Variants in PKHD1 observed in about 807,000 individuals in gnomAD.
PKHD1 encodes the protein PKHD1 ciliary IPT domain containing fibrocystin/polyductin, also known as fibrocystin.
Under a neutral mutation model 412.0 loss-of-function variants are expected in PKHD1, and 291 were observed. That is an observed-to-expected ratio of 0.71 (90% CI 0.64 to 0.78). The LOEUF (loss-of-function observed/expected upper bound fraction) is 0.78. Among genes scored for constraint, PKHD1 ranks in the 30% least tolerant of loss-of-function variants. PKHD1 has a pLI of 0.00. For synonymous variants in PKHD1, 1,777 were observed against 1,821.5 expected (o/e 0.98, Z 0.62); for missense variants, 4,825 against 4,950.7 (o/e 0.97, Z 0.76).
Position 52,070,463 on chromosome 6 carries a change from A to C in PKHD1, c.668-18T>G. ...CTGGGAGCCTGTAACACAAAGAAAC[A>C]CACATTAACTCAGGAATCTGCACGA... On this transcript the variant is annotated intron_variant, in intron 9 of 66. Transcript: ENST00000371117. 6.2e-7 allele frequency: 1 copy of C among 1,601,152 alleles called. No individual in the cohort carries two copies. Among genetic ancestry groups the C allele is most frequent in the Non-Finnish European group, 8.6e-7 (1 of 1,168,700 alleles).
Position 51,617,293 on chromosome 6 carries a change from G to A in PKHD1, c.*1788C>T, listed in dbSNP as rs1472511776. 4 of 151,890 alleles carry A rather than the reference G, an allele frequency of 2.6e-5. No homozygotes were observed. Among genetic ancestry groups the A allele is most frequent in the Non-Finnish European group, 5.9e-5 (4 of 67,964 alleles). The allele number at this position is 151,890 out of a possible 1,614,324, so 9.4% of individuals were successfully genotyped here. A position where few individuals can be genotyped will look rare whatever the true frequency, so the allele number is the denominator to read the frequency against. On this transcript the variant is annotated 3_prime_UTR_variant, in exon 67 of 67. Coordinates refer to ENST00000371117, the MANE Select transcript of PKHD1 (RefSeq NM_138694.4). Reference sequence around the variant, plus strand: ...TGCAAAGGCAAATGACTTCAAGACCGAGAATCTACAAAAAAAGATAAATAA... The same window carrying A: ...TGCAAAGGCAAATGACTTCAAGACCAAGAATCTACAAAAAAAGATAAATAA...
In PKHD1 at chr6:51,748,465, T is replaced by G. The variant is rs750812060; in HGVS notation, c.9151A>C (p.Ile3051Leu). The G allele has an allele frequency of 1.9e-6, 3 of 1,613,874 alleles. No homozygotes were observed. The highest frequency in any genetic ancestry group is 2.5e-6 in the Non-Finnish European group (3 of 1,179,928). Residue 3051 changes from isoleucine to leucine, a missense_variant, in exon 58 of 67, where the codon ATA (isoleucine) becomes CTA (leucine). Coordinates refer to ENST00000371117, the MANE Select transcript of PKHD1 (RefSeq NM_138694.4). ...NIVFGTAGHG[I>L]DLEGQAYTVT... ...GTATAGGCCTGACCCTCTAAATCTA[T>G]GCCATGGCCAGCTGTGCCAAACACA... is the stretch of plus-strand genomic sequence containing the variant.
At chr6:51,741,247 G>A in intron 60 of PKHD1, 1 of 515,642 alleles carries the variant, frequency 1.9e-6, no homozygotes, top group South Asian at 1.4e-5. Context: ...ACATTTTAGA[G>A]TTTCTATTTG....
intron 60 of PKHD1, among the ~76,000 whole-genome samples, chr6:51,673,692 G>A (rs769582344): frequency 2.2e-4 from 34 of 152,150 alleles, no homozygotes; most frequent in Admixed American, 1.0e-3. Flanking sequence ...CAGCCAGATG[G>A]TGTCAGCCTC....
At chr6:51,897,329 A>G (rs1233028568) in intron 43 of PKHD1, among the ~76,000 whole-genome samples, 1 of 152,134 alleles carries the variant, frequency 6.6e-6, no homozygotes, top group Non-Finnish European at 1.5e-5. Flanking sequence ...CAGAAACCCT[A>G]CAAGCCAGAA....
intron 60 of PKHD1, among the ~76,000 whole-genome samples, chr6:51,730,179 GT>G (rs1197395052): frequency 6.6e-6 from 1 of 151,970 alleles, no homozygotes; most frequent in Non-Finnish European, 1.5e-5. Flanking sequence ...TTTATTTCTA[GT>G]TTTTTAGTTT....
At chr6:51,977,125 TC>T (rs1203541547) in intron 35 of PKHD1, among the ~76,000 whole-genome samples, 1 of 152,148 alleles carries the variant, frequency 6.6e-6, no homozygotes, top group Non-Finnish European at 1.5e-5. Context: ...ACATCTAACA[TC>T]CTCATTTTTC....
chr6:51,946,745 C>G (rs1789510169), intron 36 of PKHD1, among the ~76,000 whole-genome samples: 1 of 152,198 alleles, frequency 6.6e-6, no homozygotes, highest in African/African-American at 2.4e-5. Context: ...TTACTTCCCT[C>G]TAAAATAAAT....
intron 37 of PKHD1, among the ~76,000 whole-genome samples, chr6:51,920,750 C>T (rs1414322275): frequency 6.6e-6 from 1 of 152,102 alleles, no homozygotes. Context: ...TCCGTCTGGT[C>T]CTGGACTTTT....
chr6:51,694,114 A>C (rs571730422), intron 60 of PKHD1, among the ~76,000 whole-genome samples: 1 of 152,174 alleles, frequency 6.6e-6, no homozygotes, highest in Non-Finnish European at 1.5e-5. Context: ...GCTTCATCTT[A>C]ATAATTAATA....
intron 60 of PKHD1, among the ~76,000 whole-genome samples, chr6:51,680,339 T>C (rs1049204931): frequency 2.6e-5 from 4 of 152,118 alleles, no homozygotes; most frequent in Admixed American, 2.0e-4. Flanking sequence ...AATAAAAATA[T>C]CACCTGGACC....
chr6:52,077,834 C>T (rs1186211621), intron 5 of PKHD1, among the ~76,000 whole-genome samples: 2 of 152,174 alleles, frequency 1.3e-5, no homozygotes, highest in African/African-American at 4.8e-5. Context: ...AAGATTAATA[C>T]AGTTACACAC....
intron 35 of PKHD1, among the ~76,000 whole-genome samples, chr6:52,004,737 G>A (rs1798844928): frequency 1.3e-5 from 2 of 152,128 alleles, no homozygotes; most frequent in Admixed American, 6.5e-5. Flanking sequence ...CTAAAGTGTG[G>A]CCTTTCTGAG....
chr6:52,014,016 C>A (rs929289452), intron 34 of PKHD1, among the ~76,000 whole-genome samples: 1 of 152,210 alleles, frequency 6.6e-6, no homozygotes, highest in East Asian at 1.9e-4. Context: ...AGTCTCAACA[C>A]TGCCATGGCT....
At chr6:51,871,333 C>G (rs1166786904) in intron 46 of PKHD1, among the ~76,000 whole-genome samples, 2 of 54,896 alleles carry the variant, frequency 3.6e-5, no homozygotes, top group African/African-American at 9.5e-5. Flanking sequence ...TAATGGAATA[C>G]TATTCGTCGA....
At chr6:51,982,185 TGG>T (rs530587240) in intron 35 of PKHD1, among the ~76,000 whole-genome samples, 1 of 19,664 alleles carries the variant, frequency 5.1e-5, no homozygotes. Context: ...GGGAGGGAGG[TGG>T]GGGGGTCAGC....
At chr6:52,037,164 GT>G (rs1314820552) in intron 27 of PKHD1, among the ~76,000 whole-genome samples, 2 of 151,738 alleles carry the variant, frequency 1.3e-5, no homozygotes, top group Non-Finnish European at 2.9e-5. Flanking sequence ...AATAAAATAA[GT>G]AAATATCACT....
At chr6:51,828,742 T>C (rs1462967020) in intron 52 of PKHD1, among the ~76,000 whole-genome samples, 2 of 151,704 alleles carry the variant, frequency 1.3e-5, no homozygotes, top group Non-Finnish European at 2.9e-5. Context: ...CAGGAAAAGG[T>C]GGAGAGTTCA....
rs191792742 is a variant in PKHD1, at chr6:51,659,381, T to G, written c.10745A>C (p.Glu3582Ala). ...AATCTGTAAGAAGTTAGTTAGTCTT[T>G]CGAGTATTACTATTTCCCAGCCTTT... is the stretch of plus-strand genomic sequence containing the variant. ...LEKGWEIVILERLTNFLQIGQ... is the reference protein window; with the variant it reads ...LEKGWEIVILARLTNFLQIGQ... The change falls in exon 61 of 67, where the codon GAA becomes GCA. Residue 3582 changes from glutamate (E) to alanine (A), a missense_variant. Physicochemically the swap from Glu to Ala is moderately radical, Grantham distance 107 (BLOSUM62 -1). Coordinates refer to ENST00000371117, the MANE Select transcript of PKHD1 (RefSeq NM_138694.4). 1 of 1,613,790 alleles carries G rather than the reference T, an allele frequency of 6.2e-7. No individual in the cohort carries two copies. Among genetic ancestry groups the G allele is most frequent in the East Asian group, 2.2e-5 (1 of 44,840 alleles).
Sources: gnomAD v4.1 joint callset for allele counts (sites outside exome capture counted in the v4.1 genomes callset) on GRCh38, gnomAD v4.1.1 for gene constraint, MANE v1.5 for transcripts, NCBI Gene and HGNC (gene_info 2026-07-23, HGNC 2026-07-21) for gene names.